CNTN4: variants seen among roughly 807,000 people sequenced by gnomAD.
The protein encoded by CNTN4 is contactin-4.
Under a neutral mutation model 122.5 loss-of-function variants are expected in CNTN4, and 77 were observed. That is an observed-to-expected ratio of 0.63 (90% CI 0.52 to 0.76). The LOEUF is 0.76. Ranked by LOEUF, CNTN4 falls within the 30% of genes least tolerant of loss-of-function variation. CNTN4 has a pLI of 0.00. For missense variants in CNTN4, 1,256 were observed against 1,259.1 expected (o/e 1.00, Z 0.04); for synonymous variants, 512 against 447.0 (o/e 1.15, Z -1.83).
At chr3:2,257,734 A>G (rs1480921973) in intron 2 of CNTN4, among the ~76,000 whole-genome samples, 1 of 152,194 alleles carries the variant, frequency 6.6e-6, no homozygotes, top group Non-Finnish European at 1.5e-5. Context: ...ACAATGAGAT[A>G]CCATCTCTCA....
At chr3:2,612,913 C>T (rs9820645) in intron 4 of CNTN4, among the ~76,000 whole-genome samples, 103,542 of 152,014 alleles carry the variant, frequency 0.68, 36,089 homozygotes, top group African/African-American at 0.75. Flanking sequence ...GACCTTGAGA[C>T]AGAAGAAGTG....
chr3:2,933,984 G>A (rs1209897518), intron 13 of CNTN4, among the ~76,000 whole-genome samples: 2 of 152,108 alleles, frequency 1.3e-5, no homozygotes, highest in East Asian at 1.9e-4. Context: ...ACTCAAAGAG[G>A]TGGGAGAACA....
chr3:2,652,475 G>T (rs1288296123), intron 4 of CNTN4, among the ~76,000 whole-genome samples: 1 of 152,180 alleles, frequency 6.6e-6, no homozygotes, highest in Non-Finnish European at 1.5e-5. Context: ...AATGAAAGGG[G>T]ACTGCTGTGC....
chr3:2,694,782 A>C (rs187005087), intron 4 of CNTN4, among the ~76,000 whole-genome samples: 1 of 152,170 alleles, frequency 6.6e-6, no homozygotes, highest in African/African-American at 2.4e-5. Context: ...CTACAATGCT[A>C]TTCTAATATC....
intron 2 of CNTN4, among the ~76,000 whole-genome samples, chr3:2,307,683 T>G (rs552235958): frequency 6.6e-6 from 1 of 152,272 alleles, no homozygotes; most frequent in African/African-American, 2.4e-5. Context: ...ATCATGTGGC[T>G]TTTGTTCTTT....
chr3:2,229,597 C>G (rs1374734054), intron 2 of CNTN4, among the ~76,000 whole-genome samples: 2 of 152,046 alleles, frequency 1.3e-5, no homozygotes, highest in Non-Finnish European at 2.9e-5. Context: ...AGATAATAGT[C>G]TAGATAATAT....
intron 15 of CNTN4, among the ~76,000 whole-genome samples, chr3:3,028,842 G>A (rs1457818103): frequency 6.6e-6 from 1 of 151,850 alleles, no homozygotes; most frequent in Non-Finnish European, 1.5e-5. Context: ...AGCTGTATGG[G>A]TCTACTTATA....
chr3:2,816,505 A>G (rs1162396391), intron 6 of CNTN4, among the ~76,000 whole-genome samples: 4 of 152,060 alleles, frequency 2.6e-5, no homozygotes, highest in Non-Finnish European at 5.9e-5. Flanking sequence ...TGGGTGCACC[A>G]AAATCTCACA....
intron 2 of CNTN4, among the ~76,000 whole-genome samples, chr3:2,262,941 T>A (rs540919460): frequency 6.6e-6 from 1 of 152,252 alleles, no homozygotes; most frequent in African/African-American, 2.4e-5. Context: ...CAATGTGTTA[T>A]AGTCACATTC....
intron 4 of CNTN4, among the ~76,000 whole-genome samples, chr3:2,714,998 T>C (rs1308115719): frequency 1.3e-5 from 2 of 152,212 alleles, no homozygotes; most frequent in African/African-American, 4.8e-5. Flanking sequence ...TTAAGATCTT[T>C]ATCAACTCCA....
chr3:2,457,741 A>G (rs1014829320), intron 3 of CNTN4, among the ~76,000 whole-genome samples: 2 of 152,024 alleles, frequency 1.3e-5, no homozygotes, highest in African/African-American at 4.8e-5. Context: ...GATTTTCTCA[A>G]CCTAAATGCA....
chr3:2,517,122 T>C (rs1040888677), intron 3 of CNTN4, among the ~76,000 whole-genome samples: 4 of 152,058 alleles, frequency 2.6e-5, no homozygotes, highest in Non-Finnish European at 5.9e-5. Context: ...AATTAAGACA[T>C]TTGGATCAGT....
intron 2 of CNTN4, among the ~76,000 whole-genome samples, chr3:2,325,766 T>A (rs539036224): frequency 6.6e-6 from 1 of 152,328 alleles, no homozygotes; most frequent in East Asian, 1.9e-4. Flanking sequence ...TTTTATGTGA[T>A]TTGAAACGAT....
rs1004789882 is a variant in CNTN4 at position 2,352,577 on chromosome 3, G to A, written c.-89+13344G>A. Among the ~76,000 whole-genome samples the A allele has an allele frequency of 1.4e-4, 22 of 152,206 alleles. 1 individual carries two copies. The highest frequency in any genetic ancestry group is 1.3e-3 in the Admixed American group (20 of 15,288). On this transcript the variant is annotated intron_variant, in intron 3 of 24. Coordinates refer to ENST00000418658, the MANE Select transcript of CNTN4 (RefSeq NM_175607.3). ...GATGCCAGGTTCCCCAGCAGTGCCAGCCCGCCAGTGCTGTGCTCAAATTCT... is the reference window on the plus strand; with the variant it reads ...GATGCCAGGTTCCCCAGCAGTGCCAACCCGCCAGTGCTGTGCTCAAATTCT...
intron 2 of CNTN4, among the ~76,000 whole-genome samples, chr3:2,281,687 G>T (rs1008937354): frequency 6.6e-6 from 1 of 151,908 alleles, no homozygotes; most frequent in Non-Finnish European, 1.5e-5. Flanking sequence ...AAATATTTGG[G>T]TAACAGCTTT....
intron 3 of CNTN4, among the ~76,000 whole-genome samples, chr3:2,501,347 C>T (rs1457254247): frequency 6.6e-6 from 1 of 152,206 alleles, no homozygotes; most frequent in East Asian, 1.9e-4. Flanking sequence ...ATTTTACCCT[C>T]TGTATCCATT....
Position 2,136,637 on chromosome 3 carries a change from T to C in CNTN4, c.-145+35998T>C, listed in dbSNP as rs73806313. 1.8e-3 allele frequency among the ~76,000 whole-genome samples: 271 copies of C among 152,116 alleles called. 3 individuals are homozygous for C. The highest frequency in any genetic ancestry group is 6.2e-3 in the African/African-American group (259 of 41,512). ...ATTTGAGAAGCGACGTGGTAATTGGTTTTGAGAGTATACATCTTAGACAAT... is the reference window on the plus strand; with the variant it reads ...ATTTGAGAAGCGACGTGGTAATTGGCTTTGAGAGTATACATCTTAGACAAT... On this transcript the variant is annotated intron_variant, in intron 2 of 24. Transcript: ENST00000418658.
intron 4 of CNTN4, among the ~76,000 whole-genome samples, chr3:2,678,982 CAT>C (rs778281908): frequency 3.3e-5 from 5 of 152,136 alleles, no homozygotes; most frequent in Non-Finnish European, 5.9e-5. Flanking sequence ...AAAAAGTGCA[CAT>C]GTGTTCTGTT....
chr3:2,418,463 TAATCATTAGATACTC>T (rs1335368515), intron 3 of CNTN4, among the ~76,000 whole-genome samples: 2 of 152,304 alleles, frequency 1.3e-5, no homozygotes, highest in East Asian at 1.9e-4. Flanking sequence ...TAGATCAATC[TAATCATTAGATACTC>T]AATCATTAGA....
Sources: gnomAD v4.1 joint callset for allele counts (sites outside exome capture counted in the v4.1 genomes callset) on GRCh38, gnomAD v4.1.1 for gene constraint, MANE v1.5 for transcripts, NCBI Gene and HGNC (gene_info 2026-07-23, HGNC 2026-07-21) for gene names.